CASK: variants seen among roughly 807,000 people sequenced by gnomAD.
CASK encodes the protein peripheral plasma membrane protein CASK.
Under a neutral mutation model 82.9 loss-of-function variants are expected in CASK, and 4 were observed. The observed-to-expected ratio is 0.05, with a 90% CI of 0.02 to 0.11. CASK has a LOEUF of 0.11. Among genes scored for constraint, CASK ranks in the 10% least tolerant of loss-of-function variants. CASK has a pLI of 1.00. For synonymous variants in CASK, 259 were observed against 253.5 expected, an observed-to-expected ratio of 1.02 and a Z score of -0.20; for missense variants, 358 against 720.9, an observed-to-expected ratio of 0.50 and a Z score of 5.76.
intron 1 of CASK, among the ~76,000 whole-genome samples, chrX:41,892,651 A>G (rs2072195861): frequency 2.7e-5 from 3 of 111,685 alleles, no homozygotes; most frequent in African/African-American, 9.8e-5. Flanking sequence ...TTCTATTTTG[A>G]TAGGACTTTT....
chrX:41,919,077 A>G (rs1196301337), intron 1 of CASK, among the ~76,000 whole-genome samples: 1 of 112,342 alleles, frequency 8.9e-6, no homozygotes, highest in Non-Finnish European at 1.9e-5. Flanking sequence ...ATGAGATTTT[A>G]TTAAAACTAC....
intron 1 of CASK, among the ~76,000 whole-genome samples, chrX:41,874,954 G>GT (rs2071783430): frequency 8.9e-6 from 1 of 112,509 alleles, no homozygotes; most frequent in Admixed American, 9.4e-5. Flanking sequence ...ATCACGAATG[G>GT]TAACAGATGC....
chrX:41,912,841 TATAC>T (rs1368006246), intron 1 of CASK, among the ~76,000 whole-genome samples: 1 of 105,107 alleles, frequency 9.5e-6, no homozygotes, highest in Non-Finnish European at 1.9e-5. Context: ...AATGTTATAA[TATAC>T]ATAATTTATG....
At chrX:41,682,705 G>A (rs1406690974) in intron 5 of CASK, among the ~76,000 whole-genome samples, 1 of 106,960 alleles carries the variant, frequency 9.3e-6, no homozygotes, top group Non-Finnish European at 1.9e-5. Context: ...TTGAACTCCT[G>A]GGCTCAAGCG....
chrX:41,649,094 G>A lies in CASK; in HGVS notation c.831+11345C>T, dbSNP rs750357359. On this transcript the variant is annotated intron_variant, in intron 8 of 26. Transcript: ENST00000378163. ...TAGTTTGTATTTCTGTGGGATTGGT[G>A]GTGATATCCCCTTTATCATTTTTTA... Among the ~76,000 whole-genome samples, 74 of 111,362 alleles carry A rather than the reference G, an allele frequency of 6.6e-4. 1 individual carries two copies. Among genetic ancestry groups the A allele is most frequent in the Admixed American group, 6.3e-3 (66 of 10,504 alleles).
intron 1 of CASK, among the ~76,000 whole-genome samples, chrX:41,887,716 GTCTT>G (rs1171387296): frequency 5.4e-5 from 6 of 110,595 alleles, no homozygotes; most frequent in Non-Finnish European, 1.1e-4. Context: ...AAGCAATGAT[GTCTT>G]TCTAATTACT....
At chrX:41,901,382 T>C (rs1036068245) in intron 1 of CASK, among the ~76,000 whole-genome samples, 2 of 110,111 alleles carry the variant, frequency 1.8e-5, no homozygotes, top group African/African-American at 6.6e-5. Context: ...GGCAGTAGGA[T>C]TGGCTGAGGC....
chrX:41,559,453 T>C (rs2065197859), intron 18 of CASK: 1 of 250,506 alleles, frequency 4.0e-6, no homozygotes, highest in African/African-American at 2.7e-5. Context: ...CCTGGAAATA[T>C]TACTGCAATT....
chrX:41,562,383 C>A (rs756191378), intron 16 of CASK: 17 of 112,242 alleles, frequency 1.5e-4, no homozygotes, highest in African/African-American at 4.8e-4. Context: ...ACTGACCTGG[C>A]TTCATTACAA....
chrX:41,690,662 A>ATTTTTT (rs111335059), intron 5 of CASK, among the ~76,000 whole-genome samples: 1 of 86,014 alleles, frequency 1.2e-5, no homozygotes, highest in Non-Finnish European at 2.3e-5. Context: ...CTCCCGGCCA[A>ATTTTTT]TTTTTTTTTT....
At chrX:41,543,923 A>G (rs1312961102) in intron 21 of CASK, among the ~76,000 whole-genome samples, 2 of 112,132 alleles carry the variant, frequency 1.8e-5, no homozygotes, top group Admixed American at 9.4e-5. Flanking sequence ...ATGGAATACC[A>G]CTGTGTTTTT....
At chrX:41,692,275 T>G (rs2067582644) in intron 5 of CASK, among the ~76,000 whole-genome samples, 1 of 111,989 alleles carries the variant, frequency 8.9e-6, no homozygotes, top group Admixed American at 9.5e-5. Flanking sequence ...AACCAGTGCC[T>G]GAAACCCATT....
chrX:41,792,051 T>C (rs906994103), intron 2 of CASK, among the ~76,000 whole-genome samples: 75 of 111,473 alleles, frequency 6.7e-4, no homozygotes, highest in African/African-American at 2.3e-3. Context: ...CCTAAAAAGT[T>C]TGGGCTCTCC....
chrX:41,573,191 C>T (rs5964013), intron 15 of CASK, among the ~76,000 whole-genome samples: 1,782 of 104,282 alleles, frequency 0.017, 37 homozygotes, highest in African/African-American at 0.059. Flanking sequence ...ATTCTCCTAC[C>T]TCTGTCTCCC....
chrX:41,835,989 G>A (rs1055944055), intron 2 of CASK, among the ~76,000 whole-genome samples: 13 of 111,419 alleles, frequency 1.2e-4, no homozygotes, highest in African/African-American at 4.2e-4. Flanking sequence ...AGAAACAGAC[G>A]TATTTAAAAT....
chrX:41,909,624 T>C (rs1354865560), intron 1 of CASK, among the ~76,000 whole-genome samples: 1 of 110,921 alleles, frequency 9.0e-6, no homozygotes, highest in Non-Finnish European at 1.9e-5. Flanking sequence ...TGTTTTTTTT[T>C]TTCTTAGTCT....
chrX:41,878,189 G>T (rs768885438), intron 1 of CASK, among the ~76,000 whole-genome samples: 1 of 109,523 alleles, frequency 9.1e-6, no homozygotes, highest in South Asian at 3.9e-4. Context: ...ACAGAAAATG[G>T]TATTTATTTG....
At chrX:41,819,792 TTCAA>T (rs1287798093) in intron 2 of CASK, among the ~76,000 whole-genome samples, 4 of 111,720 alleles carry the variant, frequency 3.6e-5, no homozygotes, top group African/African-American at 1.3e-4. Context: ...GCATTCAAAA[TTCAA>T]TCAATGTAAG....
At chrX:41,670,708 G>A (rs150718953) in intron 6 of CASK, among the ~76,000 whole-genome samples, 1,219 of 110,466 alleles carry the variant, frequency 0.011, 22 homozygotes, top group African/African-American at 0.039. Flanking sequence ...TGCCATGATC[G>A]TGCCACTGTG....
Sources: gnomAD v4.1 joint callset for allele counts (sites outside exome capture counted in the v4.1 genomes callset) on GRCh38, gnomAD v4.1.1 for gene constraint, MANE v1.5 for transcripts, NCBI Gene and HGNC (gene_info 2026-07-23, HGNC 2026-07-21) for gene names.